The following XRCC4 variants were observed in gnomAD, a reference collection of about 807,000 sequenced individuals.
XRCC4 encodes the protein DNA repair protein XRCC4.
In XRCC4, 28 loss-of-function variants were observed where a neutral mutation model predicts 39.1. The observed-to-expected ratio is 0.72, with a 90% CI of 0.53 to 0.98. XRCC4 has a LOEUF of 0.98. XRCC4 is among the 50% of genes least tolerant of loss of function. The pLI is 0.00. For missense variants in XRCC4, 350 were observed against 376.4 expected, an observed-to-expected ratio of 0.93 and a Z score of 0.58; for synonymous variants, 123 against 126.4, an observed-to-expected ratio of 0.97 and a Z score of 0.18.
At chr5:83,189,095 A>G (rs1475407961) in intron 3 of XRCC4, among the ~76,000 whole-genome samples, 1 of 152,224 alleles carries the variant, frequency 6.6e-6, no homozygotes, top group African/African-American at 2.4e-5. Flanking sequence ...CATATACAAT[A>G]TAATGTTTCA....
chr5:83,214,908 A>G (rs1751799055), intron 6 of XRCC4, among the ~76,000 whole-genome samples: 1 of 151,838 alleles, frequency 6.6e-6, no homozygotes, highest in African/African-American at 2.4e-5. Flanking sequence ...TCACAATAGC[A>G]TCAAAAAATA....
At chr5:83,126,547 A>G (rs1747275572) in intron 3 of XRCC4, among the ~76,000 whole-genome samples, 3 of 152,142 alleles carry the variant, frequency 2.0e-5, no homozygotes, top group Admixed American at 2.0e-4. Context: ...TGCTATGGGG[A>G]TGGGGCTGCC....
At chr5:83,315,607 C>T (rs1755851812) in intron 7 of XRCC4, among the ~76,000 whole-genome samples, 2 of 152,080 alleles carry the variant, frequency 1.3e-5, no homozygotes, top group African/African-American at 4.8e-5. Context: ...TCTGAAAATC[C>T]TAGGGCCCTT....
At chr5:83,293,052 A>G (rs1754976219) in intron 7 of XRCC4, among the ~76,000 whole-genome samples, 1 of 151,952 alleles carries the variant, frequency 6.6e-6, no homozygotes, top group Non-Finnish European at 1.5e-5. Flanking sequence ...TTTAACAATT[A>G]TAATTTTACA....
chr5:83,315,868 C>T (rs375600434), intron 7 of XRCC4, among the ~76,000 whole-genome samples: 15 of 152,058 alleles, frequency 9.9e-5, no homozygotes, highest in African/African-American at 2.9e-4. Flanking sequence ...CATTTTGCAG[C>T]GATAGATGAA....
chr5:83,221,877 A>G (rs1197046940), intron 6 of XRCC4, among the ~76,000 whole-genome samples: 1 of 151,820 alleles, frequency 6.6e-6, no homozygotes, highest in South Asian at 2.1e-4. Context: ...TAAATTTAGA[A>G]TTGTTATAGC....
chr5:83,140,814 T>C (rs1748134044), intron 3 of XRCC4, among the ~76,000 whole-genome samples: 1 of 152,208 alleles, frequency 6.6e-6, no homozygotes, highest in South Asian at 2.1e-4. Context: ...TGATTAATTA[T>C]TTACTTTTGG....
chr5:83,177,932 G>A (rs74672069), intron 3 of XRCC4, among the ~76,000 whole-genome samples: 2,205 of 152,258 alleles, frequency 0.014, 60 homozygotes, highest in African/African-American at 0.051. Flanking sequence ...AAGAGTCAGA[G>A]AGCCTAGTTG....
chr5:83,153,210 C>G, intron 3 of XRCC4, among the ~76,000 whole-genome samples: 1 of 133,666 alleles, frequency 7.5e-6, no homozygotes, highest in East Asian at 2.0e-4. Flanking sequence ...ATAGTTCATT[C>G]AAACTTTTTT....
At chr5:83,180,107 T>C (rs1424857663) in intron 3 of XRCC4, among the ~76,000 whole-genome samples, 1 of 152,198 alleles carries the variant, frequency 6.6e-6, no homozygotes, top group African/African-American at 2.4e-5. Context: ...CAGTAGCTAG[T>C]GTTCCTTTGC....
intron 3 of XRCC4, among the ~76,000 whole-genome samples, chr5:83,158,608 C>A (rs1209241668): frequency 1.3e-5 from 2 of 151,980 alleles, no homozygotes; most frequent in African/African-American, 4.8e-5. Context: ...CATGAATAGA[C>A]AAAGACAATT....
intron 7 of XRCC4, among the ~76,000 whole-genome samples, chr5:83,260,543 A>G (rs1331220452): frequency 6.6e-6 from 1 of 152,012 alleles, no homozygotes; most frequent in Non-Finnish European, 1.5e-5. Flanking sequence ...TTTTCACTCT[A>G]TGTGTGAACC....
chr5:83,289,576 A>G (rs1580469873), intron 7 of XRCC4, among the ~76,000 whole-genome samples: 1 of 151,832 alleles, frequency 6.6e-6, no homozygotes, highest in East Asian at 1.9e-4. Flanking sequence ...GTCCACTGTT[A>G]TAATACTGGA....
intron 7 of XRCC4, among the ~76,000 whole-genome samples, chr5:83,344,952 A>G (rs1329100822): frequency 1.3e-5 from 2 of 152,192 alleles, no homozygotes; most frequent in African/African-American, 2.4e-5. Flanking sequence ...AATCTGGTGT[A>G]AAATATTTCA....
chr5:83,147,240 A>G (rs1748496227), intron 3 of XRCC4, among the ~76,000 whole-genome samples: 1 of 152,206 alleles, frequency 6.6e-6, no homozygotes, highest in Non-Finnish European at 1.5e-5. Context: ...CCTGGGCAAC[A>G]TAGCGAGGCT....
At chr5:83,225,423 T>C (rs1752249678) in intron 6 of XRCC4, among the ~76,000 whole-genome samples, 1 of 151,892 alleles carries the variant, frequency 6.6e-6, no homozygotes, top group Non-Finnish European at 1.5e-5. Context: ...TACCTTTTGA[T>C]CCAAAAGGGA....
chr5:83,136,847 C>A (rs896154798), intron 3 of XRCC4, among the ~76,000 whole-genome samples: 1 of 152,100 alleles, frequency 6.6e-6, no homozygotes, highest in Non-Finnish European at 1.5e-5. Flanking sequence ...AGTCAAAAAT[C>A]ATATTAATGG....
chr5:83,140,089 T>G (rs1227655296), intron 3 of XRCC4, among the ~76,000 whole-genome samples: 1 of 152,212 alleles, frequency 6.6e-6, no homozygotes, highest in African/African-American at 2.4e-5. Context: ...TGCATGTGTA[T>G]TAGGGTTCTC....
intron 3 of XRCC4, among the ~76,000 whole-genome samples, chr5:83,166,985 A>C (rs1220679850): frequency 1.3e-5 from 2 of 151,116 alleles, no homozygotes; most frequent in African/African-American, 4.9e-5. Context: ...GGGTTCAAAC[A>C]ATTCTCCTGC....
Sources: gnomAD v4.1 joint callset for allele counts (sites outside exome capture counted in the v4.1 genomes callset) on GRCh38, gnomAD v4.1.1 for gene constraint, MANE v1.5 for transcripts, NCBI Gene and HGNC (gene_info 2026-07-23, HGNC 2026-07-21) for gene names.